Variants in CISD2 observed in about 807,000 individuals in gnomAD.
CISD2 encodes the protein CDGSH iron-sulfur domain-containing protein 2.
A neutral mutation model predicts 12.9 loss-of-function variants in CISD2; 1 was observed. The ratio of observed to expected loss-of-function variants is 0.08; its 90% confidence interval spans 0.03 to 0.37. The LOEUF is 0.37. Among genes scored for constraint, CISD2 ranks in the 10% least tolerant of loss-of-function variants. The pLI, the probability that CISD2 is intolerant of heterozygous loss-of-function variation, is 0.99. For missense variants in CISD2, 97 were observed against 163.1 expected (o/e 0.59, Z 2.21); for synonymous variants, 50 against 60.6 (o/e 0.83, Z 0.81).
At chr4:102,869,342 G>A (rs569211378) in intron 1 of CISD2, 155 bp downstream of exon 1, 6 of 1,007,910 alleles carry the variant, frequency 6.0e-6, no homozygotes, top group Admixed American at 4.0e-5. Context: ...CGACGCAGCT[G>A]CCTGGGGAAC....
chr4:102,886,726 C>T (rs1733941632), intron 2 of CISD2, among the ~76,000 whole-genome samples: 1 of 150,990 alleles, frequency 6.6e-6, no homozygotes, highest in African/African-American at 2.4e-5. Context: ...AGGAATTCTC[C>T]CACCTCAGCC....
rs1332263644 is a variant in CISD2 at position 102,891,051 on chromosome 4, A to G, written c.*3621A>G. ...ATAGTCAAAGTATGAAATCATTGAT[A>G]GATCCAGAACAAGGAAATGATGTAT... On this transcript the variant is annotated 3_prime_UTR_variant, in exon 3 of 3. Transcript: ENST00000273986. 1 of 151,126 alleles carries G rather than the reference A, an allele frequency of 6.6e-6. No individual in the cohort carries two copies. The highest frequency in any genetic ancestry group is 1.5e-5 in the Non-Finnish European group (1 of 68,008). 9.4% of individuals were successfully genotyped at this position (151,126 alleles called of 1,614,324 possible).
chr4:102,881,618 G>A (rs1194465013), intron 1 of CISD2, among the ~76,000 whole-genome samples: 1 of 152,092 alleles, frequency 6.6e-6, no homozygotes, highest in African/African-American at 2.4e-5. Context: ...TTTGAATTGA[G>A]CTTTTCAAGC....
Position 102,885,928 on chromosome 4 carries a change from T to C in CISD2, c.318+498T>C, listed in dbSNP as rs548408738. Among the ~76,000 whole-genome samples, 9 of 152,322 alleles carry C rather than the reference T, an allele frequency of 5.9e-5. No homozygotes were observed. In the South Asian group the frequency reaches 1.9e-3, roughly 32 times the overall value. ...AGGTAGTAAATGATAGCCTCAATTA[T>C]AGATGATTTTTAATGTGGGAAGGAG... On this transcript the variant is annotated intron_variant, in intron 2 of 2. Transcript: ENST00000273986.
chr4:102,891,931 C>T lies in CISD2; in HGVS notation c.*4501C>T, dbSNP rs1427748192. On this transcript the variant is annotated 3_prime_UTR_variant, in exon 3 of 3. Transcript: ENST00000273986. ...CACAGAGGTTGGAGTATAGAATATG[C>T]CCAAAGCTGTTTTGTTTTGTTTTAA... 2 of 152,156 alleles carry T rather than the reference C, an allele frequency of 1.3e-5. No individual in the cohort carries two copies. The highest frequency in any genetic ancestry group is 2.9e-5 in the Non-Finnish European group (2 of 68,038). The allele number at this position is 152,156 out of a possible 1,614,324, so 9.4% of individuals were successfully genotyped here.
At chr4:102,884,325 G>A (rs1733805614) in intron 1 of CISD2, among the ~76,000 whole-genome samples, 1 of 152,144 alleles carries the variant, frequency 6.6e-6, no homozygotes, top group Non-Finnish European at 1.5e-5. Context: ...ATGTTTATTA[G>A]CATGAGTTAG....
At position 102,888,856 on chromosome 4, in the gene CISD2, A is replaced by G. The variant is rs1734078234; in HGVS notation, c.*1426A>G. 6.6e-6 allele frequency: 1 copy of G among 152,272 alleles called. No homozygotes were observed. The highest frequency in any genetic ancestry group is 1.5e-5 in the Non-Finnish European group (1 of 68,054). 9.4% of individuals were successfully genotyped at this position (152,272 alleles called of 1,614,324 possible). A position where few individuals can be genotyped will look rare whatever the true frequency, so the allele number is the denominator to read the frequency against. ...CTGAGTGCGTTTCTGAGACCTTGCT[A>G]GGCACTCTGGAAACTGCTTAGTTGA... On this transcript the variant is annotated 3_prime_UTR_variant, in exon 3 of 3. Coordinates refer to ENST00000273986, the MANE Select transcript of CISD2 (RefSeq NM_001008388.5).
rs981360085 is a variant in CISD2, at chr4:102,885,091, A to G, written c.104-125A>G. ...TATTGTGTTATTTATTCACAGTTTT[A>G]TGGATCCATTAAAAAGGAATTAATG... On this transcript the variant is annotated intron_variant, in intron 1 of 2. Transcript: ENST00000273986. The G allele has an allele frequency of 1.0e-5, 8 of 775,778 alleles. No individual in the cohort carries two copies. The African/African-American group carries it at 1.2e-4, about 12-fold the overall frequency. 48.1% of individuals were successfully genotyped at this position (775,778 alleles called of 1,614,324 possible). A position where few individuals can be genotyped will look rare whatever the true frequency, so the allele number is the denominator to read the frequency against.
intron 1 of CISD2, chr4:102,884,951 T>A (rs1733831021): frequency 1.4e-5 from 6 of 417,306 alleles, no homozygotes; most frequent in Non-Finnish European, 2.2e-5. Flanking sequence ...ATAGACTTGA[T>A]GTAGACAATG....
At position 102,890,808 on chromosome 4, in the gene CISD2, C is replaced by CTTACTT. The variant is rs1560910006; in HGVS notation, c.*3378_*3379insTTACTT. 8 of 117,840 alleles carry CTTACTT rather than the reference C, an allele frequency of 6.8e-5. No individual in the cohort carries two copies. Among genetic ancestry groups the CTTACTT allele is most frequent in the African/African-American group, 3.1e-4 (8 of 25,722 alleles). The allele number at this position is 117,840 out of a possible 1,614,324, so 7.3% of individuals were successfully genotyped here. On this transcript the variant is annotated 3_prime_UTR_variant, in exon 3 of 3. Coordinates refer to ENST00000273986, the MANE Select transcript of CISD2 (RefSeq NM_001008388.5). ...TGAGCCAAGATTGTGCCACTGCACT[C>CTTACTT]CAGCCTGGGCAACAGAAGTGAAACC...
chr4:102,880,260 A>G (rs995939772), intron 1 of CISD2, among the ~76,000 whole-genome samples: 4 of 152,120 alleles, frequency 2.6e-5, no homozygotes, highest in Non-Finnish European at 5.9e-5. Flanking sequence ...TATCTCTTAT[A>G]TTGTGAGTGG....
chr4:102,874,864 T>G (rs1733556378), intron 1 of CISD2, among the ~76,000 whole-genome samples: 1 of 152,228 alleles, frequency 6.6e-6, no homozygotes, highest in Non-Finnish European at 1.5e-5. Context: ...CCATGGATTT[T>G]CAACAGGTTG....
chr4:102,886,204 G>A (rs1733903539), intron 2 of CISD2, among the ~76,000 whole-genome samples: 1 of 152,026 alleles, frequency 6.6e-6, no homozygotes, highest in Non-Finnish European at 1.5e-5. Flanking sequence ...ACGAATACAC[G>A]CAGGCCAGGC....
intron 1 of CISD2, among the ~76,000 whole-genome samples, chr4:102,879,330 G>A (rs974888977): frequency 2.0e-4 from 30 of 152,010 alleles, no homozygotes; most frequent in Non-Finnish European, 1.5e-4. Context: ...TATTCTTTCA[G>A]AAAATGTTTA....
chr4:102,885,776 A>G (rs1733879244), intron 2 of CISD2, among the ~76,000 whole-genome samples: 1 of 152,228 alleles, frequency 6.6e-6, no homozygotes, highest in Admixed American at 6.5e-5. Flanking sequence ...TTGTCACAGT[A>G]TGAGTTTGGT....
At chr4:102,877,597 C>G (rs1400950816) in intron 1 of CISD2, among the ~76,000 whole-genome samples, 1 of 152,236 alleles carries the variant, frequency 6.6e-6, no homozygotes, top group African/African-American at 2.4e-5. Context: ...CATGGCTCTG[C>G]CAGGCAGTGA....
At chr4:102,885,606 A>C (rs957979457) in intron 2 of CISD2, among the ~76,000 whole-genome samples, 176 bp downstream of exon 2, 4 of 152,358 alleles carry the variant, frequency 2.6e-5, no homozygotes, top group Admixed American at 2.6e-4. Context: ...CCTACATTAG[A>C]AAAGTTGGAG....
chr4:102,881,178 A>C (rs1373112992), intron 1 of CISD2, among the ~76,000 whole-genome samples: 1 of 152,086 alleles, frequency 6.6e-6, no homozygotes, highest in Non-Finnish European at 1.5e-5. Context: ...ATATAAAATC[A>C]GCCTTAATTG....
chr4:102,885,118 A>T (rs1404633207), intron 1 of CISD2, 98 bp from the exon 2 acceptor site: 1 of 1,004,094 alleles, frequency 1.0e-6, no homozygotes, highest in Non-Finnish European at 1.6e-6. Context: ...GAATTAATGT[A>T]AAAAGTAACA....
Sources: gnomAD v4.1 joint callset for allele counts (sites outside exome capture counted in the v4.1 genomes callset) on GRCh38, gnomAD v4.1.1 for gene constraint, MANE v1.5 for transcripts, NCBI Gene and HGNC (gene_info 2026-07-23, HGNC 2026-07-21) for gene names.